Variants in TINAG observed in about 807,000 individuals in gnomAD.
The protein encoded by TINAG is tubulointerstitial nephritis antigen.
In TINAG, 83 loss-of-function variants were observed where a neutral mutation model predicts 72.7. The ratio of observed to expected loss-of-function variants is 1.14; its 90% CI spans 0.96 to 1.37. The LOEUF (loss-of-function observed/expected upper bound fraction) is 1.37. TINAG is among the 40% of genes most tolerant of loss of function. TINAG has a pLI of 0.00. For missense variants in TINAG, 685 were observed against 576.6 expected (o/e 1.19, Z -1.93); for synonymous variants, 234 against 189.9 (o/e 1.23, Z -1.91).
chr6:54,341,883 C>T lies in TINAG; in HGVS notation c.625-1343C>T, dbSNP rs896320115. ...AGTCCTAGGAGCATTTCTTGTTTAG[C>T]TGAGGGACTCAACATGTCTTTTAAC... On this transcript the variant is annotated intron_variant, in intron 4 of 10. Transcript: ENST00000259782. Among the ~76,000 whole-genome samples, 5 of 152,152 alleles carry T rather than the reference C, an allele frequency of 3.3e-5. No homozygotes were observed. In the South Asian group the frequency reaches 6.2e-4, roughly 19 times the overall value.
At chr6:54,364,109 A>G (rs2150969603) in intron 9 of TINAG, among the ~76,000 whole-genome samples, 2 of 151,626 alleles carry the variant, frequency 1.3e-5, no homozygotes, top group South Asian at 4.1e-4. Flanking sequence ...AATGTGAGGA[A>G]AATTAGATAG....
intron 9 of TINAG, among the ~76,000 whole-genome samples, chr6:54,379,721 G>A (rs1367717329): frequency 6.6e-6 from 1 of 151,930 alleles, no homozygotes; most frequent in African/African-American, 2.4e-5. Context: ...ATCAATTTAT[G>A]ACTTTTAATT....
rs907609036 is a variant in TINAG at position 54,349,954 on chromosome 6, A to T, written c.1080+58A>T. On this transcript the variant is annotated intron_variant, in intron 7 of 10. Coordinates refer to ENST00000259782, the MANE Select transcript of TINAG (RefSeq NM_014464.4). ...GGCTTTCTCAAATGTATATAGCTCTACTGTAACTAAAACAATTTAAAAACT... is the reference window on the plus strand; with the variant it reads ...GGCTTTCTCAAATGTATATAGCTCTTCTGTAACTAAAACAATTTAAAAACT... 1.1e-4 allele frequency: 132 copies of T among 1,169,686 alleles called. No homozygotes were observed. In the Middle Eastern group the frequency reaches 1.5e-3, roughly 13 times the overall value. The allele number at this position is 1,169,686 out of a possible 1,614,324, so 72.5% of individuals were successfully genotyped here. A position where few individuals can be genotyped will look rare whatever the true frequency, so the allele number is the denominator to read the frequency against.
intron 10 of TINAG, among the ~76,000 whole-genome samples, chr6:54,386,724 GA>G (rs545117635): frequency 2.8e-4 from 40 of 143,764 alleles, no homozygotes; most frequent in Middle Eastern, 3.5e-3. Flanking sequence ...ATATACATAT[GA>G]AAAAAAAAAA....
intron 10 of TINAG, among the ~76,000 whole-genome samples, chr6:54,383,455 G>C (rs1764008850): frequency 6.6e-6 from 1 of 151,942 alleles, no homozygotes; most frequent in African/African-American, 2.4e-5. Flanking sequence ...TAAATAAGTA[G>C]AAAATAGCAG....
At chr6:54,370,527 T>C (rs1763571138) in intron 9 of TINAG, among the ~76,000 whole-genome samples, 1 of 152,082 alleles carries the variant, frequency 6.6e-6, no homozygotes, top group South Asian at 2.1e-4. Context: ...ACAAATTTTA[T>C]TGAGTGATGG....
Position 54,321,474 on chromosome 6 carries a change from T to C in TINAG, c.509+88T>C, listed in dbSNP as rs1784489429. On this transcript the variant is annotated intron_variant, in intron 3 of 10. Coordinates refer to ENST00000259782, the MANE Select transcript of TINAG (RefSeq NM_014464.4). ...ATTGCTTGGTTTCTATAAATGGTCA[T>C]TGTTTAAAAAGAAAGAGTGGGAGAG... is the stretch of plus-strand genomic sequence containing the variant. 1.4e-5 allele frequency: 13 copies of C among 900,328 alleles called. No individual in the cohort carries two copies. In the South Asian group the frequency reaches 1.5e-4, roughly 10 times the overall value. The allele number at this position is 900,328 out of a possible 1,614,324, so 55.8% of individuals were successfully genotyped here. A position where few individuals can be genotyped will look rare whatever the true frequency, so the allele number is the denominator to read the frequency against.
At chr6:54,380,682 T>C (rs1030976160) in intron 10 of TINAG, 111 bp downstream of exon 10, 31 of 749,614 alleles carry the variant, frequency 4.1e-5, no homozygotes, top group African/African-American at 3.9e-4. Context: ...CTGTGTAATA[T>C]TGTTGATAAC....
At chr6:54,315,777 G>T (rs1344831363) in intron 1 of TINAG, among the ~76,000 whole-genome samples, 4 of 152,042 alleles carry the variant, frequency 2.6e-5, no homozygotes, top group Non-Finnish European at 4.4e-5. Flanking sequence ...ATAACCTTTT[G>T]GTATAGAGGA....
intron 9 of TINAG, among the ~76,000 whole-genome samples, chr6:54,372,445 C>A (rs1262232961): frequency 2.0e-5 from 3 of 151,842 alleles, no homozygotes; most frequent in African/African-American, 4.8e-5. Context: ...ATAGGTGTTG[C>A]TCTCAAATTA....
At chr6:54,314,044 A>T (rs1218108264) in intron 1 of TINAG, among the ~76,000 whole-genome samples, 2 of 152,184 alleles carry the variant, frequency 1.3e-5, no homozygotes, top group African/African-American at 2.4e-5. Context: ...AGACTTAGGT[A>T]TGCGAAACAA....
At chr6:54,378,168 T>G (rs1359329568) in intron 9 of TINAG, among the ~76,000 whole-genome samples, 1 of 152,194 alleles carries the variant, frequency 6.6e-6, no homozygotes, top group Non-Finnish European at 1.5e-5. Context: ...TCTGTGGTGT[T>G]ATTTTTCCAT....
chr6:54,373,449 C>G (rs1562181797), intron 9 of TINAG, among the ~76,000 whole-genome samples: 1 of 152,044 alleles, frequency 6.6e-6, no homozygotes, highest in African/African-American at 2.4e-5. Flanking sequence ...CTTTTTCTGC[C>G]TTTTTCTAGT....
chr6:54,329,256 T>A (rs1394814674), intron 4 of TINAG, among the ~76,000 whole-genome samples: 1 of 152,090 alleles, frequency 6.6e-6, no homozygotes, highest in Non-Finnish European at 1.5e-5. Context: ...GGGAAGCCCA[T>A]CAGACTAAAA....
intron 8 of TINAG, among the ~76,000 whole-genome samples, chr6:54,352,331 G>A (rs1416757327): frequency 6.6e-6 from 1 of 151,772 alleles, no homozygotes; most frequent in African/African-American, 2.4e-5. Context: ...TTTTATAATT[G>A]TGTTGGATGA....
chr6:54,317,034 A>G (rs1478138562), intron 1 of TINAG, among the ~76,000 whole-genome samples: 1 of 152,058 alleles, frequency 6.6e-6, no homozygotes, highest in East Asian at 1.9e-4. Flanking sequence ...CAATTAATTA[A>G]CTCACTCTGA....
At chr6:54,351,519 G>A in intron 8 of TINAG, 122 bp downstream of exon 8, 2 of 782,220 alleles carry the variant, frequency 2.6e-6, no homozygotes, top group South Asian at 3.9e-5. Context: ...GTATCCAAAA[G>A]GCTTCAACAG....
chr6:54,370,911 A>T (rs1387658820), intron 9 of TINAG, among the ~76,000 whole-genome samples: 1 of 152,112 alleles, frequency 6.6e-6, no homozygotes, highest in African/African-American at 2.4e-5. Context: ...CATCTCAAAC[A>T]CTGATCAGGT....
chr6:54,311,677 C>G (rs1784261355), intron 1 of TINAG, among the ~76,000 whole-genome samples: 1 of 152,158 alleles, frequency 6.6e-6, no homozygotes, highest in Non-Finnish European at 1.5e-5. Flanking sequence ...CTTCCTGTGA[C>G]TTACTTTTTC....
Sources: allele counts gnomAD v4.1 joint callset (sites outside exome capture counted in the v4.1 genomes callset), GRCh38; gene constraint gnomAD v4.1.1; transcripts MANE v1.5; gene names NCBI Gene and HGNC (gene_info 2026-07-23, HGNC 2026-07-21).